UBE2L3: variants seen among roughly 807,000 people sequenced by gnomAD.
UBE2L3 encodes the protein ubiquitin conjugating enzyme E2 L3.
A neutral mutation model predicts 17.8 loss-of-function variants in UBE2L3; 1 was observed. That is an observed-to-expected ratio of 0.06 (90% CI 0.02 to 0.27). The LOEUF is 0.27. Among genes scored for constraint, UBE2L3 ranks in the 10% least tolerant of loss-of-function variants. The pLI, the probability that UBE2L3 is intolerant of heterozygous loss-of-function variation, is 1.00. For synonymous variants in UBE2L3, 44 were observed against 68.5 expected, an observed-to-expected ratio of 0.64 and a Z score of 1.76; for missense variants, 40 against 192.6, an observed-to-expected ratio of 0.21 and a Z score of 4.69.
rs139582867 is a variant in UBE2L3 at position 21,621,496 on chromosome 22, C to G, written c.311-19C>G. The stretch of plus-strand genomic sequence containing the variant: ...CTGAGACTGTGTTAACCCCCCATGC[C>G]TTGTCCTTCTCTTGGCAGTAATCCA... On this transcript the variant is annotated intron_variant, in intron 3 of 3. Transcript: ENST00000342192. 924 of 1,597,358 alleles carry G rather than the reference C, an allele frequency of 5.8e-4. 7 individuals carry two copies. In the African/African-American group the frequency reaches 0.011, roughly 19 times the overall value.
At chr22:21,611,960 T>C (rs1197343139) in intron 3 of UBE2L3, among the ~76,000 whole-genome samples, 2 of 151,862 alleles carry the variant, frequency 1.3e-5, no homozygotes, top group Non-Finnish European at 2.9e-5. Context: ...TCAGACGGAG[T>C]CCAGAGAACT....
upstream of UBE2L3, among the ~76,000 whole-genome samples, chr22:21,562,829 G>A (rs1926492707): frequency 6.6e-6 from 1 of 151,794 alleles, no homozygotes; most frequent in Non-Finnish European, 1.5e-5. Flanking sequence ...TTCTGGACCT[G>A]GGCCCAAGGC....
intron 3 of UBE2L3, 81 bp downstream of exon 3, chr22:21,611,124 G>A (rs1568986930): frequency 1.4e-6 from 2 of 1,420,196 alleles, no homozygotes; most frequent in Non-Finnish European, 1.9e-6. Context: ...TACCAGATCA[G>A]ACAGAATCCA....
intron 1 of UBE2L3, among the ~76,000 whole-genome samples, chr22:21,572,296 G>A (rs1015634768): frequency 9.9e-5 from 15 of 151,832 alleles, no homozygotes; most frequent in Non-Finnish European, 2.9e-5. Flanking sequence ...TTAGCTGGGC[G>A]TGGTGGTGGG....
intron 3 of UBE2L3, among the ~76,000 whole-genome samples, chr22:21,616,895 G>T (rs1459765288): frequency 6.6e-6 from 1 of 151,772 alleles, no homozygotes; most frequent in Non-Finnish European, 1.5e-5. Flanking sequence ...GTTTACATCC[G>T]CTATTGCAGA....
chr22:21,614,427 CAA>C (rs3831682), intron 3 of UBE2L3: 4,327 of 420,894 alleles, frequency 0.01, no homozygotes, highest in South Asian at 0.013. Context: ...CCGTCTGTAC[CAA>C]AAAAAAAAAA....
upstream of UBE2L3, chr22:21,567,706 C>G (rs745658289): frequency 2.6e-6 from 4 of 1,568,232 alleles, no homozygotes; most frequent in Middle Eastern, 1.8e-4. Flanking sequence ...CCCGGCCGGC[C>G]GCGATGCATT....
chr22:21,564,082 C>T (rs544861397), upstream of UBE2L3, among the ~76,000 whole-genome samples: 2 of 149,236 alleles, frequency 1.3e-5, no homozygotes, highest in South Asian at 2.1e-4. Flanking sequence ...TTCACACAGG[C>T]TTGAGTGCAG....
At chr22:21,576,766 C>T (rs1927322519) in intron 1 of UBE2L3, among the ~76,000 whole-genome samples, 1 of 150,260 alleles carries the variant, frequency 6.7e-6, no homozygotes, top group Non-Finnish European at 1.5e-5. Context: ...GTTGAGGTCT[C>T]AGATGTAATA....
chr22:21,608,286 C>T (rs1456288558), intron 2 of UBE2L3, among the ~76,000 whole-genome samples: 1 of 152,142 alleles, frequency 6.6e-6, no homozygotes, highest in Non-Finnish European at 1.5e-5. Flanking sequence ...GAGTCTCTCT[C>T]TTGCCCAAAA....
chr22:21,619,692 TTTTA>T (rs956291272), intron 3 of UBE2L3, among the ~76,000 whole-genome samples: 59 of 152,322 alleles, frequency 3.9e-4, no homozygotes, highest in Admixed American at 1.2e-3. Flanking sequence ...CAGCATTTTG[TTTTA>T]TTTATTTACT....
chr22:21,588,784 T>A (rs1483962076), intron 1 of UBE2L3, among the ~76,000 whole-genome samples: 1 of 152,012 alleles, frequency 6.6e-6, no homozygotes, highest in East Asian at 1.9e-4. Context: ...TGCCTCAGCC[T>A]CCCAAGTAGC....
chr22:21,577,089 C>T (rs564849413), intron 1 of UBE2L3, among the ~76,000 whole-genome samples: 4 of 152,140 alleles, frequency 2.6e-5, no homozygotes, highest in Non-Finnish European at 5.9e-5. Flanking sequence ...CTGCTTCACC[C>T]TCTCGAGTAG....
upstream of UBE2L3, among the ~76,000 whole-genome samples, chr22:21,562,930 A>C (rs1349611364): frequency 6.8e-6 from 1 of 147,556 alleles, no homozygotes; most frequent in African/African-American, 2.5e-5. Flanking sequence ...GTCCAGGAGA[A>C]GGAAGAAGCC....
rs762656443 is a variant in UBE2L3 at position 21,614,567 on chromosome 22, G to A, written c.310+3524G>A. On this transcript the variant is annotated intron_variant, in intron 3 of 3. Transcript: ENST00000342192. Reference sequence around the variant, plus strand: ...TGCCCTTGTCCTTAGAAACTTCAGCGTTCCCAATTATGGCTTCTCTCAGAT... The same window carrying A: ...TGCCCTTGTCCTTAGAAACTTCAGCATTCCCAATTATGGCTTCTCTCAGAT... The A allele has an allele frequency of 1.6e-5, 22 of 1,367,416 alleles. 1 individual carries two copies. The highest frequency in any genetic ancestry group is 4.2e-4 in the Middle Eastern group (2 of 4,768). The allele number at this position is 1,367,416 out of a possible 1,614,324, so 84.7% of individuals were successfully genotyped here. A position where few individuals can be genotyped will look rare whatever the true frequency, so the allele number is the denominator to read the frequency against.
chr22:21,556,843 CAGG>C (rs1926247635), intron 1 of UBE2L3, among the ~76,000 whole-genome samples: 1 of 152,264 alleles, frequency 6.6e-6, no homozygotes. Flanking sequence ...ATCACGAGGT[CAGG>C]AGTTCGAGCC....
At chr22:21,558,959 G>A (rs891692003) in intron 1 of UBE2L3, among the ~76,000 whole-genome samples, 6 of 151,828 alleles carry the variant, frequency 4.0e-5, no homozygotes, top group Admixed American at 3.9e-4. Context: ...GACAGTCCAT[G>A]ATCTATGAGA....
chr22:21,574,607 G>T (rs1448910980), intron 1 of UBE2L3, among the ~76,000 whole-genome samples: 1 of 152,166 alleles, frequency 6.6e-6, no homozygotes, highest in Non-Finnish European at 1.5e-5. Flanking sequence ...CTTACCTGTG[G>T]TACTCTCTTA....
chr22:21,564,010 G>T (rs1926546777), upstream of UBE2L3, among the ~76,000 whole-genome samples: 1 of 150,898 alleles, frequency 6.6e-6, no homozygotes, highest in South Asian at 2.1e-4. Context: ...AGCCAAAAAA[G>T]TCTACTTCTT....
Sources: allele counts gnomAD v4.1 joint callset (sites outside exome capture counted in the v4.1 genomes callset), GRCh38; gene constraint gnomAD v4.1.1; transcripts MANE v1.5; gene names NCBI Gene and HGNC (gene_info 2026-07-23, HGNC 2026-07-21).